SSH2: variants seen among roughly 807,000 people sequenced by gnomAD.
SSH2 encodes the protein slingshot protein phosphatase 2.
In SSH2, 37 loss-of-function variants were observed where a neutral mutation model predicts 135.2. The observed-to-expected ratio is 0.27, with a 90% CI of 0.21 to 0.36. The LOEUF (loss-of-function observed/expected upper bound fraction) is 0.36, where lower values mean the gene tolerates loss of function less well. Among genes scored for constraint, SSH2 ranks in the 10% least tolerant of loss-of-function variants. The pLI, the probability that SSH2 is intolerant of heterozygous loss-of-function variation, is 1.00. For synonymous variants in SSH2, 628 were observed against 646.2 expected (o/e 0.97, Z 0.43); for missense variants, 1,408 against 1,765.3 (o/e 0.80, Z 3.63).
At chr17:29,711,130 T>C (rs1160655483) in intron 3 of SSH2, among the ~76,000 whole-genome samples, 1 of 152,186 alleles carries the variant, frequency 6.6e-6, no homozygotes, top group Non-Finnish European at 1.5e-5. Context: ...AGAGAAGAGC[T>C]TAGGACTCTG....
intron 2 of SSH2, among the ~76,000 whole-genome samples, chr17:29,842,647 T>C (rs1439093375): frequency 6.6e-6 from 1 of 152,180 alleles, no homozygotes; most frequent in African/African-American, 2.4e-5. Flanking sequence ...TATTCTGGGA[T>C]AAAATCATTG....
In SSH2 at chr17:29,804,297, A is replaced by G. The variant is rs541829429; in HGVS notation, c.145-10360T>C. Among the ~76,000 whole-genome samples the G allele has an allele frequency of 2.3e-4, 35 of 152,280 alleles. No homozygotes were observed. In the South Asian group the frequency reaches 6.4e-3, roughly 28 times the overall value. ...AGAAAACCTCTGTGAGACACCTACTATTTCTCTAGTGTTTCTTTTAAACTC... is the reference window on the plus strand; with the variant it reads ...AGAAAACCTCTGTGAGACACCTACTGTTTCTCTAGTGTTTCTTTTAAACTC... On this transcript the variant is annotated intron_variant, in intron 2 of 15. Transcript: ENST00000540801.
chr17:29,711,908 C>A (rs1348373961), intron 3 of SSH2, among the ~76,000 whole-genome samples: 2 of 152,174 alleles, frequency 1.3e-5, no homozygotes, highest in Non-Finnish European at 2.9e-5. Context: ...TGAGACAGGT[C>A]TCGGTCAATT....
At chr17:29,649,467 C>T (rs2036509113) in intron 13 of SSH2, among the ~76,000 whole-genome samples, 1 of 152,004 alleles carries the variant, frequency 6.6e-6, no homozygotes, top group African/African-American at 2.4e-5. Flanking sequence ...ACTGCAGCCT[C>T]AACCTCATGG....
chr17:29,679,407 A>T (rs930118500), intron 6 of SSH2, among the ~76,000 whole-genome samples: 15 of 147,368 alleles, frequency 1.0e-4, no homozygotes, highest in Admixed American at 3.4e-4. Context: ...ATTTATTTTT[A>T]TTTTTTTTTT....
At chr17:29,923,348 G>A (rs1181096377) in intron 1 of SSH2, among the ~76,000 whole-genome samples, 2 of 152,110 alleles carry the variant, frequency 1.3e-5, no homozygotes, top group Admixed American at 1.3e-4. Flanking sequence ...GCTGGGTGTG[G>A]TGACTCACAT....
At chr17:29,873,600 T>C (rs1007318200) in intron 1 of SSH2, among the ~76,000 whole-genome samples, 11 of 150,856 alleles carry the variant, frequency 7.3e-5, no homozygotes, top group African/African-American at 2.7e-4. Flanking sequence ...AACAAACATA[T>C]GGAGACAAGA....
chr17:29,684,526 A>C, intron 6 of SSH2, 37 bp downstream of exon 6: 5 of 1,581,348 alleles, frequency 3.2e-6, no homozygotes, highest in Non-Finnish European at 4.3e-6. Flanking sequence ...GGTTACTTAA[A>C]AAGCAGTTTT....
At chr17:29,875,033 T>A (rs2066003783) in intron 1 of SSH2, among the ~76,000 whole-genome samples, 1 of 152,066 alleles carries the variant, frequency 6.6e-6, no homozygotes, top group Non-Finnish European at 1.5e-5. Flanking sequence ...TCAGTTCTGA[T>A]AAAGTCAAAA....
At position 29,626,487 on chromosome 17, in the gene SSH2, G is replaced by A. The variant is rs749172982; in HGVS notation, c.*4354C>T. ...CAGCATTGCTTTGAGGACACAGACGGCAGCACCAGTCAAATGCCTCTTAAG... is the reference window on the plus strand; with the variant it reads ...CAGCATTGCTTTGAGGACACAGACGACAGCACCAGTCAAATGCCTCTTAAG... On this transcript the variant is annotated 3_prime_UTR_variant, in exon 16 of 16. Transcript: ENST00000540801. 2.6e-5 allele frequency: 4 copies of A among 152,696 alleles called. No individual in the cohort carries two copies. Among genetic ancestry groups the A allele is most frequent in the African/African-American group, 4.8e-5 (2 of 41,418 alleles). 9.5% of individuals were successfully genotyped at this position (152,696 alleles called of 1,614,324 possible).
At chr17:29,636,949 C>G (rs556709565) in intron 14 of SSH2, 147 bp from the exon 15 acceptor site, 4 of 622,462 alleles carry the variant, frequency 6.4e-6, no homozygotes, top group Non-Finnish European at 1.1e-5. Flanking sequence ...TTTGAAAAGA[C>G]AATTTAATAG....
Position 29,848,926 on chromosome 17 carries a change from A to G in SSH2, c.67T>C (p.Ser23Pro). The stretch of plus-strand genomic sequence containing the variant: ...GCTGATTCACTGTCTTCCAAATGAG[A>G]GCTCTGTAATACAAACAAGATCATT... ...STTSSPCASS[S>P]HLEDSESAAL... The change falls in exon 2 of 16, where the codon TCT becomes CCT. Residue 23 changes from serine to proline, a missense_variant. Physicochemically the swap from Ser to Pro is moderately conservative, Grantham distance 74. Transcript: ENST00000540801. 3 of 1,532,960 alleles carry G rather than the reference A, an allele frequency of 2.0e-6. No individual in the cohort carries two copies. In the South Asian group the frequency reaches 3.6e-5, roughly 18 times the overall value. 95.0% of individuals were successfully genotyped at this position (1,532,960 alleles called of 1,614,324 possible).
intron 14 of SSH2, among the ~76,000 whole-genome samples, chr17:29,641,286 C>G (rs942659104): frequency 8.5e-5 from 13 of 152,180 alleles, no homozygotes; most frequent in Non-Finnish European, 2.9e-5. Flanking sequence ...TATTCTAACA[C>G]TTCATCACTG....
At chr17:29,803,485 T>C (rs2042287690) in intron 2 of SSH2, among the ~76,000 whole-genome samples, 1 of 152,190 alleles carries the variant, frequency 6.6e-6, no homozygotes. Context: ...TCTTGAATAA[T>C]GGCTCAGGGC....
intron 1 of SSH2, among the ~76,000 whole-genome samples, chr17:29,891,582 T>C (rs2066350984): frequency 6.6e-6 from 1 of 151,784 alleles, no homozygotes. Context: ...GAATATTATG[T>C]CATAGTAATA....
At chr17:29,734,395 C>T (rs558870077) in intron 3 of SSH2, among the ~76,000 whole-genome samples, 2 of 152,194 alleles carry the variant, frequency 1.3e-5, no homozygotes, top group East Asian at 1.9e-4. Context: ...CATAACTATG[C>T]GTGGTAGGCT....
intron 3 of SSH2, among the ~76,000 whole-genome samples, chr17:29,711,611 A>G (rs530668153): frequency 7.9e-5 from 12 of 152,196 alleles, no homozygotes; most frequent in Non-Finnish European, 1.2e-4. Flanking sequence ...ATCTTTTTCA[A>G]TATCACCCTA....
At chr17:29,718,006 G>A (rs2039685182) in intron 3 of SSH2, among the ~76,000 whole-genome samples, 1 of 152,170 alleles carries the variant, frequency 6.6e-6, no homozygotes, top group South Asian at 2.1e-4. Context: ...AGACCAAAGA[G>A]GTAGAGAAGG....
intron 3 of SSH2, among the ~76,000 whole-genome samples, chr17:29,709,306 C>T (rs1303063309): frequency 3.3e-5 from 5 of 152,062 alleles, no homozygotes; most frequent in Admixed American, 6.6e-5. Flanking sequence ...ATGTTGTTTT[C>T]GCTTTATGAT....
Sources: allele counts gnomAD v4.1 joint callset (sites outside exome capture counted in the v4.1 genomes callset), GRCh38; gene constraint gnomAD v4.1.1; transcripts MANE v1.5; gene names NCBI Gene and HGNC (gene_info 2026-07-23, HGNC 2026-07-21).